ATIC: variants seen among roughly 807,000 people sequenced by gnomAD.
ATIC encodes the protein 5-aminoimidazole-4-carboxamide ribonucleotide formyltransferase/IMP cyclohydrolase.
In ATIC, 64 loss-of-function variants were observed where a neutral mutation model predicts 72.5. The ratio of observed to expected loss-of-function variants is 0.88; its 90% CI spans 0.72 to 1.09. The LOEUF (loss-of-function observed/expected upper bound fraction) is 1.09, where lower values mean the gene tolerates loss of function less well. ATIC is among the 50% of genes least tolerant of loss of function. The probability of loss-of-function intolerance (pLI) is 0.00; values close to 1 mark genes in which losing one functional copy is unlikely to be tolerated. For synonymous variants in ATIC, 281 were observed against 267.1 expected (o/e 1.05, Z -0.51); for missense variants, 787 against 732.4 (o/e 1.07, Z -0.86).
In ATIC at chr2:215,312,211, C is replaced by G. The variant is rs1038128274; in HGVS notation, c.19+50C>G. ...GTCTGCGTCCTCGCCTGCGGCCCCC[C>G]ACGCTCCCGCCTTGGCGGCGGCCGG... On this transcript the variant is annotated intron_variant, in intron 1 of 15. Coordinates refer to ENST00000236959, the MANE Select transcript of ATIC (RefSeq NM_004044.7). 5 of 1,477,164 alleles carry G rather than the reference C, an allele frequency of 3.4e-6. No homozygotes were observed. In the South Asian group the frequency reaches 3.9e-5, roughly 12 times the overall value. 91.5% of individuals were successfully genotyped at this position (1,477,164 alleles called of 1,614,324 possible). A position where few individuals can be genotyped will look rare whatever the true frequency, so the allele number is the denominator to read the frequency against.
At chr2:215,367,694 C>T in the ATIC span, 6 of 709,770 alleles carry the variant, frequency 8.5e-6, no homozygotes, top group African/African-American at 7.0e-5. Context: ...TAAAATTTCC[C>T]ATCATTTTTC....
At chr2:215,362,081 TGA>T in the ATIC span, 2 of 1,612,242 alleles carry the variant, frequency 1.2e-6, no homozygotes, top group African/African-American at 2.7e-5. Flanking sequence ...GCGCCAGCCC[TGA>T]GAGAGTAGAG....
At chr2:215,335,322 G>A (rs1575121409) in intron 10 of ATIC, among the ~76,000 whole-genome samples, 1 of 152,060 alleles carries the variant, frequency 6.6e-6, no homozygotes, top group Admixed American at 6.6e-5. Flanking sequence ...GTGGTGATGC[G>A]ATATAATCCA....
chr2:215,360,751 AC>A, the ATIC span: 1 of 152,664 alleles, frequency 6.6e-6, no homozygotes, highest in Admixed American at 6.5e-5. Context: ...ACTGAAATCA[AC>A]AATTAGACTT....
chr2:215,315,281 G>A (rs1324685715), intron 2 of ATIC, among the ~76,000 whole-genome samples: 3 of 152,180 alleles, frequency 2.0e-5, no homozygotes. Flanking sequence ...TCTGTAAACT[G>A]CCCTGGGGAA....
chr2:215,338,698 G>T (rs1204282551), intron 11 of ATIC, 81 bp from the exon 12 acceptor site: 2 of 1,441,606 alleles, frequency 1.4e-6, no homozygotes, highest in African/African-American at 1.5e-5. Flanking sequence ...TACTTACAAT[G>T]AAATCTTTTG....
the ATIC span, among the ~76,000 whole-genome samples, chr2:215,366,025 G>GT: frequency 6.8e-6 from 1 of 146,254 alleles, no homozygotes; most frequent in Admixed American, 6.9e-5. Context: ...ACCATGTTGG[G>GT]TAGGCTGGTC....
chr2:215,349,893 A>C (rs2053116537), downstream of ATIC: 1 of 634,250 alleles, frequency 1.6e-6, no homozygotes, highest in South Asian at 1.9e-5. Flanking sequence ...ATCCCACAGC[A>C]CTGCCCGTGT....
the ATIC span, among the ~76,000 whole-genome samples, chr2:215,356,701 A>G: frequency 7.9e-4 from 121 of 152,356 alleles, no homozygotes; most frequent in African/African-American, 2.6e-3. Context: ...ATTGGATCAC[A>G]TAATATGTGC....
intron 4 of ATIC, among the ~76,000 whole-genome samples, chr2:215,321,915 C>CA (rs933761512): frequency 3.7e-4 from 56 of 151,850 alleles, no homozygotes; most frequent in Admixed American, 7.2e-4. Context: ...CAAGTTTTTT[C>CA]TTTTTTTTGA....
Position 215,346,706 on chromosome 2 carries a change from G to C in ATIC, c.1321-53G>C, listed in dbSNP as rs773255095. The C allele has an allele frequency of 5.7e-5, 91 of 1,591,526 alleles. 1 individual carries two copies. In the Middle Eastern group the frequency reaches 7.8e-4, roughly 14 times the overall value. ...GAGAATGTGCACAAAAGATCCTTTT[G>C]AGAAGAAAGTGTCTTTGGAAGAGGT... On this transcript the variant is annotated intron_variant, in intron 13 of 15. Coordinates refer to ENST00000236959, the MANE Select transcript of ATIC (RefSeq NM_004044.7).
chr2:215,338,517 T>G lies in ATIC; in HGVS notation c.1099-262T>G, dbSNP rs1055725917. Among the ~76,000 whole-genome samples, 5 of 152,212 alleles carry G rather than the reference T, an allele frequency of 3.3e-5. No homozygotes were observed. In the East Asian group the frequency reaches 9.6e-4, roughly 29 times the overall value. ...GGTTGTAAAATCTATAAAATACTAT[T>G]GGGTAGTAAAATCTATAAAAGACTT... On this transcript the variant is annotated intron_variant, in intron 11 of 15. Coordinates refer to ENST00000236959, the MANE Select transcript of ATIC (RefSeq NM_004044.7).
rs563067080 is a variant in ATIC at position 215,323,816 on chromosome 2, C to T, written c.291-1425C>T. Among the ~76,000 whole-genome samples, 4 of 152,254 alleles carry T rather than the reference C, an allele frequency of 2.6e-5. No homozygotes were observed. The South Asian group carries it at 8.3e-4, about 32-fold the overall frequency. On this transcript the variant is annotated intron_variant, in intron 4 of 15. Coordinates refer to ENST00000236959, the MANE Select transcript of ATIC (RefSeq NM_004044.7). ...AAGATGGCGTTTTGCTCTTGTTGCC[C>T]AAGGCGGAGTGCAGTTGCGTGATCT...
At chr2:215,323,328 C>T (rs2052790158) in intron 4 of ATIC, among the ~76,000 whole-genome samples, 1 of 152,128 alleles carries the variant, frequency 6.6e-6, no homozygotes, top group South Asian at 2.1e-4. Flanking sequence ...TCAGCTTGTC[C>T]ATTTCTGCAA....
chr2:215,332,333 G>C (rs760321837), intron 7 of ATIC, 49 bp from the exon 8 acceptor site: 2 of 1,612,442 alleles, frequency 1.2e-6, no homozygotes, highest in Admixed American at 1.7e-5. Context: ...GCATACATCT[G>C]ACCTTACTGA....
At chr2:215,332,141 TG>T (rs2052901744) in intron 7 of ATIC, among the ~76,000 whole-genome samples, 1 of 41,816 alleles carries the variant, frequency 2.4e-5, no homozygotes, top group Non-Finnish European at 6.6e-5. Context: ...CGTGTGTGTG[TG>T]TGTGTGTGTG....
intron 4 of ATIC, among the ~76,000 whole-genome samples, chr2:215,321,554 C>T (rs1380651758): frequency 1.3e-5 from 2 of 152,164 alleles, no homozygotes; most frequent in Non-Finnish European, 2.9e-5. Context: ...GGAACTGCGA[C>T]CCTGTATTTC....
intron 3 of ATIC, among the ~76,000 whole-genome samples, chr2:215,318,954 G>A (rs1426838016): frequency 3.3e-5 from 5 of 151,210 alleles, no homozygotes; most frequent in African/African-American, 1.2e-4. Context: ...ATGGCTCGCT[G>A]CAGCCTCTGT....
the ATIC span, chr2:215,365,399 C>T: frequency 8.9e-6 from 11 of 1,234,840 alleles, no homozygotes; most frequent in African/African-American, 1.0e-4. Context: ...GTTCACTCCT[C>T]AAGGAGACCT....
Sources: allele counts gnomAD v4.1 joint callset (sites outside exome capture counted in the v4.1 genomes callset), GRCh38; gene constraint gnomAD v4.1.1; transcripts MANE v1.5; gene names NCBI Gene and HGNC (gene_info 2026-07-23, HGNC 2026-07-21).